CDC25B: variants seen among roughly 807,000 people sequenced by gnomAD.
CDC25B encodes cell division cycle 25B.
A neutral mutation model predicts 69.8 loss-of-function variants in CDC25B; 33 were observed. The observed-to-expected ratio is 0.47, with a 90% CI of 0.36 to 0.63. CDC25B has a LOEUF of 0.63. CDC25B is among the 30% of genes least tolerant of loss of function. The pLI, the probability that CDC25B is intolerant of heterozygous loss-of-function variation, is 0.00. For missense variants in CDC25B, 727 were observed against 809.1 expected, an observed-to-expected ratio of 0.90 and a Z score of 1.23; for synonymous variants, 341 against 314.6, an observed-to-expected ratio of 1.08 and a Z score of -0.89.
chr20:3,805,170 GC>G lies in CDC25B; in HGVS notation c.*212del. The G allele has an allele frequency of 1.7e-6, 1 of 594,342 alleles. No individual in the cohort carries two copies. Among genetic ancestry groups the G allele is most frequent in the South Asian group, 2.1e-5 (1 of 47,192 alleles). The allele number at this position is 594,342 out of a possible 1,614,324, so 36.8% of individuals were successfully genotyped here. The stretch of plus-strand genomic sequence containing the variant: ...CCTGGTGCCCCCCACCCCTGGAAGA[GC>G]CCAGTCTGTTGAGTTAGTTAAGTTG... On this transcript the variant is annotated 3_prime_UTR_variant, in exon 16 of 16. Transcript: ENST00000245960.
Position 3,805,041 on chromosome 20 carries a change from G to T in CDC25B, c.*80G>T. 6.9e-7 allele frequency: 1 copy of T among 1,443,714 alleles called. No individual in the cohort carries two copies. The highest frequency in any genetic ancestry group is 9.3e-7 in the Non-Finnish European group (1 of 1,070,744). The allele number at this position is 1,443,714 out of a possible 1,614,324, so 89.4% of individuals were successfully genotyped here. Reference sequence around the variant, plus strand: ...GCCCTATGGGCCTGCCGGGCTGAGGGCCTGCTGGAGGCCTCAGGTGCTGTC... The same window carrying T: ...GCCCTATGGGCCTGCCGGGCTGAGGTCCTGCTGGAGGCCTCAGGTGCTGTC... On this transcript the variant is annotated 3_prime_UTR_variant, in exon 16 of 16. Coordinates refer to ENST00000245960, the MANE Select transcript of CDC25B (RefSeq NM_021873.4).
Position 3,801,256 on chromosome 20 carries a change from T to C in CDC25B, c.708T>C (p.Cys236=), listed in dbSNP as rs1364739258. The C allele has an allele frequency of 6.2e-7, 1 of 1,613,674 alleles. No individual in the cohort carries two copies. Among genetic ancestry groups the C allele is most frequent in the Non-Finnish European group, 8.5e-7 (1 of 1,179,940 alleles). Residue 236 remains cysteine, a splice_region_variant and synonymous_variant, in exon 8 of 16, where the codon TGT becomes TGC. Coordinates refer to ENST00000245960, the MANE Select transcript of CDC25B (RefSeq NM_021873.4). ...GTGTCTGTCTGTCATGTGGACAGTG[T>C]CTCAGTCCTGACCGGAAGATGGAAG... ...QRPSSAPDLM[C]LSPDRKMEVE...
In CDC25B at chr20:3,801,745, C is replaced by T; in HGVS notation, c.864C>T (p.Gly288=). 3 of 1,607,146 alleles carry T rather than the reference C, an allele frequency of 1.9e-6. No homozygotes were observed. Among genetic ancestry groups the T allele is most frequent in the Non-Finnish European group, 2.5e-6 (3 of 1,177,116 alleles). The change falls in exon 9 of 16, where the codon GGC becomes GGT. Residue 288 remains glycine, a synonymous_variant. Transcript: ENST00000245960. The part of the protein sequence containing the change: ...DLKDDDAVPP[G]MESLISAPLV... The stretch of plus-strand genomic sequence containing the variant: ...AGGATGATGATGCAGTTCCCCCAGG[C>T]ATGGAGAGTCTCATTAGTGCCCCAC...
upstream of CDC25B, among the ~76,000 whole-genome samples, chr20:3,794,656 C>T (rs888317527): frequency 6.6e-5 from 10 of 152,072 alleles, no homozygotes; most frequent in Non-Finnish European, 1.5e-4. Flanking sequence ...GAGGATGAAC[C>T]GGAAATTCAG....
intron 6 of CDC25B, 50 bp downstream of exon 6, chr20:3,800,915 C>T: frequency 6.2e-7 from 1 of 1,611,888 alleles, no homozygotes; most frequent in Non-Finnish European, 8.5e-7. Flanking sequence ...GAGGAGGGGG[C>T]ATGCTGGGGT....
At chr20:3,800,904 A>T in intron 6 of CDC25B, 39 bp downstream of exon 6, 1 of 1,612,994 alleles carries the variant, frequency 6.2e-7, no homozygotes, top group East Asian at 2.2e-5. Flanking sequence ...CTCTCCGGGA[A>T]GAGGAGGGGG....
Position 3,805,703 on chromosome 20 carries a change from G to C in CDC25B, c.*742G>C. The C allele has an allele frequency of 2.5e-6, 1 of 403,154 alleles. No individual in the cohort carries two copies. The highest frequency in any genetic ancestry group is 4.4e-6 in the Non-Finnish European group (1 of 227,628). 25.0% of individuals were successfully genotyped at this position (403,154 alleles called of 1,614,324 possible). A position where few individuals can be genotyped will look rare whatever the true frequency, so the allele number is the denominator to read the frequency against. On this transcript the variant is annotated 3_prime_UTR_variant, in exon 16 of 16. Coordinates refer to ENST00000245960, the MANE Select transcript of CDC25B (RefSeq NM_021873.4). The stretch of plus-strand genomic sequence containing the variant: ...GGGGGCTCCCAGGGCAAGGGTTAAG[G>C]CCTGAATCATGAGCCTGCTGGAAGC...
upstream of CDC25B, among the ~76,000 whole-genome samples, chr20:3,792,158 C>A (rs2088925726): frequency 6.6e-6 from 1 of 152,184 alleles, no homozygotes; most frequent in Non-Finnish European, 1.5e-5. Context: ...AGGTGATCCA[C>A]CTACCTTGGC....
chr20:3,799,364 C>A (rs1312043659), intron 3 of CDC25B, among the ~76,000 whole-genome samples: 1 of 152,204 alleles, frequency 6.6e-6, no homozygotes, highest in Non-Finnish European at 1.5e-5. Flanking sequence ...AATTGGTCAT[C>A]CCTGATGCCA....
chr20:3,802,404 TG>T (rs1568510790), intron 11 of CDC25B, 28 bp downstream of exon 11: 1 of 1,543,734 alleles, frequency 6.5e-7, no homozygotes. Flanking sequence ...GGGGGTACCT[TG>T]GGGGCTTGAC....
In CDC25B at chr20:3,803,951, TC is replaced by T. The variant is rs892084129; in HGVS notation, c.1490+416del. Among the ~76,000 whole-genome samples the T allele has an allele frequency of 6.6e-5, 10 of 152,270 alleles. 1 individual carries two copies. The highest frequency in any genetic ancestry group is 3.9e-4 in the Admixed American group (6 of 15,290). On this transcript the variant is annotated intron_variant, in intron 14 of 15. Coordinates refer to ENST00000245960, the MANE Select transcript of CDC25B (RefSeq NM_021873.4). The surrounding 1 kb of genome is among the most constrained non-coding windows in gnomAD (Gnocchi z 4.9). ...CTGGCTGAGCTCCTTCTGTCGCTATTCCTGTTCTGCCTGGCCATCTGTCCTC... is the reference window on the plus strand; with the variant it reads ...CTGGCTGAGCTCCTTCTGTCGCTATTCTGTTCTGCCTGGCCATCTGTCCTC...
intron 15 of CDC25B, 30 bp from the exon 16 acceptor site, chr20:3,804,791 A>G (rs1469296738): frequency 6.2e-7 from 1 of 1,612,930 alleles, no homozygotes; most frequent in South Asian, 1.1e-5. Flanking sequence ...TACCCATTCC[A>G]CTGCATTGAC....
At chr20:3,793,756 C>A (rs1310837184), upstream of CDC25B, among the ~76,000 whole-genome samples, 14 of 107,676 alleles carry the variant, frequency 1.3e-4, no homozygotes, top group East Asian at 1.3e-3. Flanking sequence ...CCCCTCCCCC[C>A]ACCCCACAAC....
intron 2 of CDC25B, 109 bp from the exon 3 acceptor site, chr20:3,798,303 A>C: frequency 1.4e-6 from 1 of 721,872 alleles, no homozygotes; most frequent in East Asian, 3.0e-5. Flanking sequence ...GTCAAAGTCC[A>C]AACTAGAAAC....
Position 3,801,040 on chromosome 20 carries a change from G to T in CDC25B, c.652G>T (p.Ala218Ser), listed in dbSNP as rs142459784. ...PSSTHALAEW[A>S]SRREAFAQRP... ...CTCCACCCATGCTCTGGCAGAGTGGGCCAGCCGCAGGGAAGCCTTTGCCCA... is the reference window on the plus strand; with the variant it reads ...CTCCACCCATGCTCTGGCAGAGTGGTCCAGCCGCAGGGAAGCCTTTGCCCA... Residue 218 changes from alanine (A) to serine (S), a missense_variant, in exon 7 of 16, where the codon GCC (alanine) becomes TCC (serine). Physicochemically the swap from Ala to Ser is moderately conservative, Grantham distance 99 (BLOSUM62 1). Around this residue, in one of 2 missense-constraint regions of CDC25B, gnomAD observed 368 missense variants for 345.6 expected, o/e 1.06. Transcript: ENST00000245960. 9.9e-5 allele frequency: 160 copies of T among 1,613,196 alleles called. No individual in the cohort carries two copies. The highest frequency in any genetic ancestry group is 1.3e-4 in the Non-Finnish European group (150 of 1,179,830).
chr20:3,805,602 T>C lies in CDC25B; in HGVS notation c.*641T>C. The C allele has an allele frequency of 2.5e-6, 1 of 397,378 alleles. No individual in the cohort carries two copies. The highest frequency in any genetic ancestry group is 4.4e-6 in the Non-Finnish European group (1 of 225,576). 24.6% of individuals were successfully genotyped at this position (397,378 alleles called of 1,614,324 possible). ...ATCTCAGGACACTTCCGTAGACTGT[T>C]TAGGTTCCCCTGTCAAATATCAGTT... On this transcript the variant is annotated 3_prime_UTR_variant, in exon 16 of 16. Coordinates refer to ENST00000245960, the MANE Select transcript of CDC25B (RefSeq NM_021873.4).
Position 3,805,796 on chromosome 20 carries a change from G to C in CDC25B, c.*835G>C. ...ACTTGCTGCTGTCTTGTTGCGGATG[G>C]ATGGAAGGTTGGATGGATGGGTGGA... On this transcript the variant is annotated 3_prime_UTR_variant, in exon 16 of 16. Transcript: ENST00000245960. 1 of 406,590 alleles carries C rather than the reference G, an allele frequency of 2.5e-6. No homozygotes were observed. The highest frequency in any genetic ancestry group is 4.4e-6 in the Non-Finnish European group (1 of 228,312). The allele number at this position is 406,590 out of a possible 1,614,324, so 25.2% of individuals were successfully genotyped here. A position where few individuals can be genotyped will look rare whatever the true frequency, so the allele number is the denominator to read the frequency against.
chr20:3,798,543 G>A lies in CDC25B; in HGVS notation c.380+80G>A, dbSNP rs796528285. 8.1e-5 allele frequency: 95 copies of A among 1,170,734 alleles called. 1 individual carries two copies. In the African/African-American group the frequency reaches 8.4e-4, roughly 10 times the overall value. The allele number at this position is 1,170,734 out of a possible 1,614,324, so 72.5% of individuals were successfully genotyped here. On this transcript the variant is annotated intron_variant, in intron 3 of 15. Transcript: ENST00000245960. ...TCCTAGTTCTACCATAAATTCACCCGGGAGGCCTGGGAAAGCAGACAGACC... is the reference window on the plus strand; with the variant it reads ...TCCTAGTTCTACCATAAATTCACCCAGGAGGCCTGGGAAAGCAGACAGACC...
At position 3,804,920 on chromosome 20, in the gene CDC25B, C is replaced by G; in HGVS notation, c.1702C>G (p.Arg568Gly). The G allele has an allele frequency of 6.2e-7, 1 of 1,613,730 alleles. No homozygotes were observed. The highest frequency in any genetic ancestry group is 8.5e-7 in the Non-Finnish European group (1 of 1,180,016). Residue 568 changes from arginine to glycine, a missense_variant, in exon 16 of 16, where the codon CGG becomes GGG. By Grantham distance (125) the Arg-to-Gly change is moderately radical. This residue lies in a region of CDC25B where 359 missense variants were observed against 463.4 expected (regional missense o/e 0.77). Coordinates refer to ENST00000245960, the MANE Select transcript of CDC25B (RefSeq NM_021873.4). ...RLKTRSWAGERSRRELCSRLQ... is the reference protein window; with the variant it reads ...RLKTRSWAGEGSRRELCSRLQ... ...CAAGACTCGCAGCTGGGCTGGGGAG[C>G]GGAGCCGGCGGGAGCTCTGTAGCCG... is the stretch of plus-strand genomic sequence containing the variant.
Sources: allele counts gnomAD v4.1 joint callset (sites outside exome capture counted in the v4.1 genomes callset), GRCh38; gene constraint gnomAD v4.1.1; regional missense constraint gnomAD v4.1.1; non-coding constraint Gnocchi (gnomAD v3.1); transcripts MANE v1.5; gene names NCBI Gene and HGNC (gene_info 2026-07-23, HGNC 2026-07-21).